SFXN1: variants seen among roughly 807,000 people sequenced by gnomAD.
SFXN1 encodes sideroflexin 1.
Under a neutral mutation model 39.5 loss-of-function variants are expected in SFXN1, and 32 were observed. The observed-to-expected ratio is 0.81, with a 90% confidence interval of 0.61 to 1.09. The LOEUF (loss-of-function observed/expected upper bound fraction) is 1.09. Among genes scored for constraint, SFXN1 ranks in the 50% least tolerant of loss-of-function variants. The pLI is 0.00. For missense variants in SFXN1, 402 were observed against 407.1 expected (o/e 0.99, Z 0.11); for synonymous variants, 136 against 146.5 (o/e 0.93, Z 0.52).
At chr5:175,495,334 AAGTTTT>A (rs1370734625) in intron 2 of SFXN1, among the ~76,000 whole-genome samples, 1 of 152,156 alleles carries the variant, frequency 6.6e-6, no homozygotes, top group Non-Finnish European at 1.5e-5. Context: ...AATGGGGACA[AAGTTTT>A]AGTTGGGGAA....
intron 7 of SFXN1, 52 bp downstream of exon 7, chr5:175,513,642 A>G (rs1760613409): frequency 6.3e-7 from 1 of 1,594,464 alleles, no homozygotes; most frequent in South Asian, 1.1e-5. Flanking sequence ...ACCAGCGTTC[A>G]CGGATCCGTG....
chr5:175,509,209 T>C lies in SFXN1; in HGVS notation c.335+7T>C, dbSNP rs373817647. The C allele has an allele frequency of 7.7e-5, 123 of 1,605,082 alleles. No individual in the cohort carries two copies. In the African/African-American group the frequency reaches 1.3e-3, roughly 16 times the overall value. On this transcript the variant is annotated splice_region_variant and intron_variant, in intron 3 of 10. Coordinates refer to ENST00000321442, the MANE Select transcript of SFXN1 (RefSeq NM_022754.7). ...GTATGATGACGTTTTACAGGTATGT[T>C]ATGAATATGTAGCAACAGTGTGTTT...
chr5:175,478,826 ACCTGGGGATC>A (rs1026304519), intron 1 of SFXN1, among the ~76,000 whole-genome samples, 187 bp downstream of exon 1: 8 of 150,852 alleles, frequency 5.3e-5, no homozygotes, highest in African/African-American at 2.0e-4. Flanking sequence ...GGGTCCCTGC[ACCTGGGGATC>A]CCTGGCATCC....
chr5:175,504,011 A>G (rs1581293841), intron 2 of SFXN1, among the ~76,000 whole-genome samples: 1 of 151,586 alleles, frequency 6.6e-6, no homozygotes, highest in Admixed American at 6.6e-5. Flanking sequence ...CTCAAAAAAA[A>G]AAAAAAAAAG....
intron 2 of SFXN1, among the ~76,000 whole-genome samples, chr5:175,508,342 C>G (rs984424371): frequency 4.0e-5 from 6 of 148,880 alleles, no homozygotes; most frequent in Admixed American, 3.4e-4. Flanking sequence ...CCTCTTGCCT[C>G]AGCCTCCCAG....
At chr5:175,486,534 G>T (rs1224606051) in intron 1 of SFXN1, among the ~76,000 whole-genome samples, 1 of 152,124 alleles carries the variant, frequency 6.6e-6, no homozygotes, top group African/African-American at 2.4e-5. Context: ...GGCCAGGGTG[G>T]GCAGATCACT....
In SFXN1 at chr5:175,512,107, G is replaced by A. The variant is rs1177400411; in HGVS notation, c.511-4G>A. On this transcript the variant is annotated splice_polypyrimidine_tract_variant and splice_region_variant and intron_variant, in intron 5 of 10. Transcript: ENST00000321442. ...TAAAGCTCTTGAAATTTTCTCCTCT[G>A]CAGCATGTCTCACCACTGATAGGAC... 6.2e-7 allele frequency: 1 copy of A among 1,613,604 alleles called. No individual in the cohort carries two copies. The highest frequency in any genetic ancestry group is 8.5e-7 in the Non-Finnish European group (1 of 1,179,788).
At chr5:175,519,922 T>C (rs923359868) in intron 8 of SFXN1, among the ~76,000 whole-genome samples, 1 of 138,862 alleles carries the variant, frequency 7.2e-6, no homozygotes. Context: ...CAGGCTGGAG[T>C]GCAATGACAT....
intron 1 of SFXN1, among the ~76,000 whole-genome samples, chr5:175,490,329 G>C (rs1164605094): frequency 6.6e-6 from 1 of 152,174 alleles, no homozygotes; most frequent in South Asian, 2.1e-4. Flanking sequence ...TTGTAGCTGG[G>C]CTTCTCTGTG....
At chr5:175,501,063 A>ATTTTTTT (rs531862744) in intron 2 of SFXN1, among the ~76,000 whole-genome samples, 5 of 116,088 alleles carry the variant, frequency 4.3e-5, no homozygotes, top group African/African-American at 1.5e-4. Context: ...ATGGGCAAAG[A>ATTTTTTT]TTTTTTTTTT....
At chr5:175,488,823 GACGTCA>G (rs565753623) in intron 1 of SFXN1, among the ~76,000 whole-genome samples, 206 of 152,348 alleles carry the variant, frequency 1.4e-3, no homozygotes, top group African/African-American at 4.7e-3. Context: ...CTGAGCCCAG[GACGTCA>G]AGGCCCTGCT....
rs1338854443 is a variant in SFXN1, at chr5:175,522,357, T to G, written c.825-18T>G. The stretch of plus-strand genomic sequence containing the variant: ...AACCATTTAAAATGGTCTGACTTTT[T>G]TTTGTATTTTTTTTAAGTTTGGTGT... On this transcript the variant is annotated intron_variant, in intron 9 of 10. Transcript: ENST00000321442. 1 of 1,577,414 alleles carries G rather than the reference T, an allele frequency of 6.3e-7. No homozygotes were observed. The highest frequency in any genetic ancestry group is 2.2e-5 in the East Asian group (1 of 44,588).
At chr5:175,499,850 A>G (rs1760005688) in intron 2 of SFXN1, among the ~76,000 whole-genome samples, 1 of 152,240 alleles carries the variant, frequency 6.6e-6, no homozygotes, top group Non-Finnish European at 1.5e-5. Context: ...GAAATGAAAA[A>G]GTAAAACTTT....
At chr5:175,498,406 A>G (rs1759948899) in intron 2 of SFXN1, among the ~76,000 whole-genome samples, 1 of 152,208 alleles carries the variant, frequency 6.6e-6, no homozygotes. Flanking sequence ...GGAGGTGGTA[A>G]CAGAATCCTG....
intron 1 of SFXN1, among the ~76,000 whole-genome samples, chr5:175,482,057 C>T (rs989878401): frequency 1.3e-5 from 2 of 152,164 alleles, no homozygotes; most frequent in African/African-American, 4.8e-5. Context: ...TACTAAATTT[C>T]TCCGAGCGGC....
At chr5:175,513,157 C>T (rs910733741) in intron 6 of SFXN1, among the ~76,000 whole-genome samples, 4 of 151,740 alleles carry the variant, frequency 2.6e-5, no homozygotes, top group South Asian at 2.1e-4. Flanking sequence ...AAAAATTGGC[C>T]GGCACACTGT....
At chr5:175,487,196 G>A (rs1436903631) in intron 1 of SFXN1, among the ~76,000 whole-genome samples, 1 of 152,138 alleles carries the variant, frequency 6.6e-6, no homozygotes, top group Non-Finnish European at 1.5e-5. Context: ...TGAATCCCAC[G>A]CCCAGCCTTA....
chr5:175,504,958 G>A (rs866611853), intron 2 of SFXN1, among the ~76,000 whole-genome samples: 1 of 152,014 alleles, frequency 6.6e-6, no homozygotes, highest in South Asian at 2.1e-4. Flanking sequence ...TTGATCTCCT[G>A]ACTTCATGAT....
intron 2 of SFXN1, among the ~76,000 whole-genome samples, chr5:175,508,689 G>A (rs1231703757): frequency 6.6e-6 from 1 of 151,990 alleles, no homozygotes; most frequent in African/African-American, 2.4e-5. Flanking sequence ...CCAGGCTGGA[G>A]TGCAATGGTG....
Sources: gnomAD v4.1 joint callset for allele counts (sites outside exome capture counted in the v4.1 genomes callset) on GRCh38, gnomAD v4.1.1 for gene constraint, MANE v1.5 for transcripts, NCBI Gene and HGNC (gene_info 2026-07-23, HGNC 2026-07-21) for gene names.